Variants in SNTG1 observed in about 807,000 individuals in gnomAD.
SNTG1 encodes the protein syntrophin gamma 1, also known as gamma-1-syntrophin.
A neutral mutation model predicts 74.7 loss-of-function variants in SNTG1; 39 were observed. That is an observed-to-expected ratio of 0.52 (90% CI 0.40 to 0.68). SNTG1 has a LOEUF of 0.68. Ranked by LOEUF, SNTG1 falls within the 30% of genes least tolerant of loss-of-function variation. The pLI is 0.00. For missense variants in SNTG1, 685 were observed against 609.5 expected, an observed-to-expected ratio of 1.12 and a Z score of -1.30; for synonymous variants, 254 against 217.1, an observed-to-expected ratio of 1.17 and a Z score of -1.49.
intron 1 of SNTG1, among the ~76,000 whole-genome samples, chr8:49,981,502 C>A (rs904128676): frequency 2.6e-5 from 4 of 152,034 alleles, no homozygotes; most frequent in Non-Finnish European, 5.9e-5. Context: ...TTTGTAAGGG[C>A]ATTATTGATT....
At chr8:50,256,028 C>G (rs138125982) in intron 2 of SNTG1, among the ~76,000 whole-genome samples, 7 of 152,318 alleles carry the variant, frequency 4.6e-5, no homozygotes, top group Admixed American at 3.9e-4. Context: ...AAATACTTGT[C>G]TATTCACCAA....
chr8:50,486,134 TC>T (rs2093791630), intron 8 of SNTG1, among the ~76,000 whole-genome samples: 1 of 152,216 alleles, frequency 6.6e-6, no homozygotes, highest in Non-Finnish European at 1.5e-5. Flanking sequence ...CGATGCAGGC[TC>T]TTTTTTGCTT....
At chr8:50,683,658 C>G (rs943346906) in intron 15 of SNTG1, among the ~76,000 whole-genome samples, 1 of 152,130 alleles carries the variant, frequency 6.6e-6, no homozygotes, top group Admixed American at 6.6e-5. Flanking sequence ...CACAAGTATT[C>G]CCTTTATATC....
intron 8 of SNTG1, among the ~76,000 whole-genome samples, chr8:50,459,019 A>G (rs181002971): frequency 6.6e-6 from 1 of 152,258 alleles, no homozygotes; most frequent in East Asian, 1.9e-4. Context: ...ACTTACTGCC[A>G]TGTCTTATTC....
intron 1 of SNTG1, among the ~76,000 whole-genome samples, chr8:49,996,349 A>C (rs1282283234): frequency 6.6e-6 from 1 of 151,506 alleles, no homozygotes; most frequent in African/African-American, 2.4e-5. Context: ...AAGGTAAAAA[A>C]TTAAAGAAGA....
intron 2 of SNTG1, among the ~76,000 whole-genome samples, chr8:50,215,735 A>G (rs2084758739): frequency 6.6e-6 from 1 of 152,012 alleles, no homozygotes; most frequent in African/African-American, 2.4e-5. Flanking sequence ...ATATCTTCTG[A>G]GACTAAAATC....
At chr8:50,288,019 G>T (rs987010097) in intron 2 of SNTG1, among the ~76,000 whole-genome samples, 2 of 151,826 alleles carry the variant, frequency 1.3e-5, no homozygotes, top group Admixed American at 6.6e-5. Context: ...TCCAAATATG[G>T]CATTTATATT....
intron 12 of SNTG1, among the ~76,000 whole-genome samples, chr8:50,589,264 A>C (rs921180401): frequency 1.3e-5 from 2 of 152,186 alleles, no homozygotes; most frequent in Non-Finnish European, 2.9e-5. Context: ...AAGGGAAACT[A>C]ACAAAAACAA....
At chr8:50,086,321 A>G (rs1028715383) in intron 1 of SNTG1, among the ~76,000 whole-genome samples, 43 of 152,176 alleles carry the variant, frequency 2.8e-4, no homozygotes, top group African/African-American at 9.4e-4. Context: ...CAGAGGAAGA[A>G]GTTGGAGGCA....
intron 4 of SNTG1, among the ~76,000 whole-genome samples, chr8:50,428,765 AAGGGCCTTTT>A: frequency 6.6e-6 from 1 of 152,248 alleles, no homozygotes; most frequent in African/African-American, 2.4e-5. Flanking sequence ...ATTTATAGGA[AAGGGCCTTTT>A]TTTGTAATTT....
intron 18 of SNTG1, among the ~76,000 whole-genome samples, chr8:50,756,235 G>C (rs1473472367): frequency 2.0e-5 from 3 of 151,782 alleles, no homozygotes; most frequent in Admixed American, 2.0e-4. Context: ...GTCTTTCATA[G>C]AGCAGAAAAT....
intron 1 of SNTG1, among the ~76,000 whole-genome samples, chr8:50,138,441 A>G (rs1183907661): frequency 6.6e-6 from 1 of 151,722 alleles, no homozygotes; most frequent in Non-Finnish European, 1.5e-5. Flanking sequence ...AATATGGTGA[A>G]ACTCCATCTC....
At chr8:49,930,739 A>G (rs1024745465) in intron 1 of SNTG1, among the ~76,000 whole-genome samples, 4 of 152,164 alleles carry the variant, frequency 2.6e-5, no homozygotes, top group Non-Finnish European at 4.4e-5. Context: ...AAACATTTTA[A>G]TTGTTAGAAA....
Position 50,330,058 on chromosome 8 carries a change from T to A in SNTG1, c.-27-64154T>A, listed in dbSNP as rs191781060. ...CTCAGCCTGGACTTCATTGTCCACA[T>A]CTAATATGGTTTGGCTGTGTCCCCA... On this transcript the variant is annotated intron_variant, in intron 2 of 18. Coordinates refer to ENST00000642720, the MANE Select transcript of SNTG1 (RefSeq NM_018967.5). 6.6e-5 allele frequency among the ~76,000 whole-genome samples: 10 copies of A among 152,284 alleles called. No individual in the cohort carries two copies. The East Asian group carries it at 1.7e-3, about 27-fold the overall frequency.
intron 17 of SNTG1, among the ~76,000 whole-genome samples, chr8:50,737,227 A>G (rs2095531179): frequency 6.6e-6 from 1 of 152,122 alleles, no homozygotes; most frequent in African/African-American, 2.4e-5. Flanking sequence ...TAAAGGGCAT[A>G]TTACCACTGA....
chr8:50,371,712 CTAA>C (rs1197485292), intron 2 of SNTG1, among the ~76,000 whole-genome samples: 3 of 152,116 alleles, frequency 2.0e-5, no homozygotes, highest in African/African-American at 7.2e-5. Flanking sequence ...TTTGAGTGCT[CTAA>C]TGTTAGCTGC....
chr8:49,935,202 A>AGTGTGT (rs140067006), intron 1 of SNTG1, among the ~76,000 whole-genome samples: 7,964 of 133,714 alleles, frequency 0.06, 423 homozygotes, highest in African/African-American at 0.17. Flanking sequence ...GCCAAGCAGA[A>AGTGTGT]GTGTGTGTGT....
intron 1 of SNTG1, among the ~76,000 whole-genome samples, chr8:49,929,962 C>T (rs1482508377): frequency 1.4e-5 from 2 of 148,136 alleles, no homozygotes; most frequent in Admixed American, 1.4e-4. Context: ...TGAGTGTTTC[C>T]TCAAGAGGCA....
chr8:50,113,870 C>T (rs1387697167), intron 1 of SNTG1, among the ~76,000 whole-genome samples: 1 of 151,844 alleles, frequency 6.6e-6, no homozygotes, highest in Non-Finnish European at 1.5e-5. Context: ...ATGTAACAAA[C>T]CTGCACGTTG....
Sources: allele counts gnomAD v4.1 joint callset (sites outside exome capture counted in the v4.1 genomes callset), GRCh38; gene constraint gnomAD v4.1.1; transcripts MANE v1.5; gene names NCBI Gene and HGNC (gene_info 2026-07-23, HGNC 2026-07-21).